Variants in ZNF423 observed in about 807,000 individuals in gnomAD.
ZNF423 encodes zinc finger protein 423, also known as Ebf-associated zinc finger protein.
In ZNF423, 12 loss-of-function variants were observed where a neutral mutation model predicts 95.8. The ratio of observed to expected loss-of-function variants is 0.13; its 90% CI spans 0.08 to 0.20. The LOEUF is 0.20. Among genes scored for constraint, ZNF423 ranks in the 10% least tolerant of loss-of-function variants. The pLI is 1.00. For missense variants in ZNF423, 1,316 were observed against 1,737.1 expected (o/e 0.76, Z 4.31); for synonymous variants, 749 against 711.9 (o/e 1.05, Z -0.83).
intron 3 of ZNF423, among the ~76,000 whole-genome samples, chr16:49,703,366 A>AACGGC (rs2032252672): frequency 6.6e-6 from 1 of 152,206 alleles, no homozygotes; most frequent in Non-Finnish European, 1.5e-5. Flanking sequence ...TTTTAGGCAC[A>AACGGC]ACGGCATTTA....
intron 1 of ZNF423, among the ~76,000 whole-genome samples, chr16:49,821,167 A>G (rs1047227509): frequency 6.6e-6 from 1 of 152,134 alleles, no homozygotes; most frequent in Non-Finnish European, 1.5e-5. Flanking sequence ...TTGAGACCTG[A>G]ACAAGAAAAA....
intron 7 of ZNF423, among the ~76,000 whole-genome samples, chr16:49,503,831 G>A (rs1001496964): frequency 2.0e-5 from 3 of 152,178 alleles, no homozygotes; most frequent in East Asian, 1.9e-4. Context: ...CAGCCTGCAA[G>A]CTACTGTAGC....
intron 5 of ZNF423, among the ~76,000 whole-genome samples, chr16:49,593,485 G>A (rs533368693): frequency 4.6e-4 from 69 of 150,098 alleles, no homozygotes; most frequent in African/African-American, 1.5e-3. Context: ...TTGTCCCTTA[G>A]AGGTCTCACC....
At chr16:49,722,479 C>G (rs912152763) in intron 3 of ZNF423, among the ~76,000 whole-genome samples, 1 of 152,220 alleles carries the variant, frequency 6.6e-6, no homozygotes, top group South Asian at 2.1e-4. Context: ...TTTATAATAG[C>G]CTCCACATCC....
At chr16:49,579,796 C>A (rs1469848060) in intron 5 of ZNF423, among the ~76,000 whole-genome samples, 1 of 152,268 alleles carries the variant, frequency 6.6e-6, no homozygotes, top group South Asian at 2.1e-4. Flanking sequence ...TGCGAGATGA[C>A]CTCTCCCATG....
intron 3 of ZNF423, among the ~76,000 whole-genome samples, chr16:49,640,529 T>C (rs12444893): frequency 0.3 from 45,197 of 151,926 alleles, 7,000 homozygotes; most frequent in Admixed American, 0.35. Flanking sequence ...CAAAGGCTGA[T>C]TGGGGGGTCT....
chr16:49,529,054 G>T (rs1476611902), intron 5 of ZNF423, among the ~76,000 whole-genome samples: 1 of 151,756 alleles, frequency 6.6e-6, no homozygotes, highest in Non-Finnish European at 1.5e-5. Context: ...GAGCCTGCAG[G>T]CCCCTCCACC....
At chr16:49,854,095 C>T (rs946495506) in intron 1 of ZNF423, 18 of 985,184 alleles carry the variant, frequency 1.8e-5, no homozygotes, top group Non-Finnish European at 2.0e-5. Context: ...CCCTTCTTTC[C>T]CGTCCTCTTC....
chr16:49,661,609 G>A (rs762005223), intron 3 of ZNF423, among the ~76,000 whole-genome samples: 1 of 152,152 alleles, frequency 6.6e-6, no homozygotes, highest in Non-Finnish European at 1.5e-5. Flanking sequence ...AGCACTTCCC[G>A]CTCATCTTGG....
chr16:49,709,446 C>A (rs1268263163), intron 3 of ZNF423, among the ~76,000 whole-genome samples: 2 of 152,066 alleles, frequency 1.3e-5, no homozygotes, highest in Admixed American at 1.3e-4. Context: ...GGTTCCTACA[C>A]CACGCCAGGT....
chr16:49,488,086 A>T lies in ZNF423; in HGVS notation c.*3189T>A, dbSNP rs991848346. The T allele has an allele frequency of 6.6e-6, 1 of 152,164 alleles. No individual in the cohort carries two copies. Among genetic ancestry groups the T allele is most frequent in the African/African-American group, 2.4e-5 (1 of 41,404 alleles). 9.4% of individuals were successfully genotyped at this position (152,164 alleles called of 1,614,324 possible). On this transcript the variant is annotated 3_prime_UTR_variant, in exon 8 of 8. Transcript: ENST00000563137. ...CTGGCACCTGGGGGCAGCTCAGTAAATACTTGCTGAATGGATGAGTAGAGG... is the reference window on the plus strand; with the variant it reads ...CTGGCACCTGGGGGCAGCTCAGTAATTACTTGCTGAATGGATGAGTAGAGG...
At chr16:49,759,661 C>T (rs1282278151) in intron 2 of ZNF423, among the ~76,000 whole-genome samples, 6 of 152,220 alleles carry the variant, frequency 3.9e-5, no homozygotes, top group African/African-American at 2.4e-5. Flanking sequence ...TCCAGACACC[C>T]TCTGAAACTT....
At chr16:49,850,035 G>A (rs180996723) in intron 1 of ZNF423, among the ~76,000 whole-genome samples, 1 of 152,350 alleles carries the variant, frequency 6.6e-6, no homozygotes, top group Admixed American at 6.5e-5. Context: ...TGTGCAAGAA[G>A]ATAGGTAAAA....
intron 3 of ZNF423, among the ~76,000 whole-genome samples, chr16:49,672,291 G>A (rs181184355): frequency 3.7e-4 from 57 of 152,308 alleles, no homozygotes; most frequent in African/African-American, 1.1e-3. Context: ...ATTGTGAATA[G>A]GGGATTCTGG....
intron 1 of ZNF423, among the ~76,000 whole-genome samples, chr16:49,802,053 G>A (rs1196920925): frequency 1.3e-5 from 2 of 152,086 alleles, no homozygotes; most frequent in East Asian, 1.9e-4. Context: ...CTCACTGTGT[G>A]GCCAGGCTGG....
At chr16:49,502,572 C>A (rs1967451189) in intron 7 of ZNF423, among the ~76,000 whole-genome samples, 2 of 151,866 alleles carry the variant, frequency 1.3e-5, no homozygotes, top group African/African-American at 4.8e-5. Flanking sequence ...TGACCGCATT[C>A]AAAAATCTGG....
chr16:49,630,689 T>C (rs1024691183), intron 4 of ZNF423, among the ~76,000 whole-genome samples: 10 of 152,080 alleles, frequency 6.6e-5, no homozygotes, highest in African/African-American at 1.2e-4. Flanking sequence ...AGTGACTTGG[T>C]TGATCTTCTC....
intron 7 of ZNF423, among the ~76,000 whole-genome samples, chr16:49,514,410 C>T (rs1238227875): frequency 1.3e-5 from 2 of 151,974 alleles, no homozygotes; most frequent in Non-Finnish European, 2.9e-5. Context: ...GTTCCCAGTT[C>T]TGTCTCAGGC....
intron 3 of ZNF423, among the ~76,000 whole-genome samples, chr16:49,651,089 T>C (rs759264630): frequency 5.3e-5 from 8 of 151,898 alleles, no homozygotes; most frequent in Non-Finnish European, 1.2e-4. Context: ...GATGCAATCA[T>C]GGCTCACTGC....
Sources: gnomAD v4.1 joint callset for allele counts (sites outside exome capture counted in the v4.1 genomes callset) on GRCh38, gnomAD v4.1.1 for gene constraint, MANE v1.5 for transcripts, NCBI Gene and HGNC (gene_info 2026-07-23, HGNC 2026-07-21) for gene names.